Variants in LCN1 observed in about 807,000 individuals in gnomAD.
LCN1 encodes the protein lipocalin-1.
In LCN1, 25 loss-of-function variants were observed where a neutral mutation model predicts 22.3. That is an observed-to-expected ratio of 1.12 (90% CI 0.82 to 1.56). The LOEUF is 1.56. Ranked by LOEUF, LCN1 falls within the 40% of genes most tolerant of loss-of-function variation. The probability of loss-of-function intolerance (pLI) is 0.00; values close to 1 mark genes in which losing one functional copy is unlikely to be tolerated. For synonymous variants in LCN1, 85 were observed against 97.6 expected, an observed-to-expected ratio of 0.87 and a Z score of 0.76; for missense variants, 219 against 235.6, an observed-to-expected ratio of 0.93 and a Z score of 0.46.
intron 4 of LCN1, 69 bp from the exon 5 acceptor site, chr9:135,524,761 C>T (rs1354709693): frequency 1.6e-6 from 2 of 1,273,796 alleles, no homozygotes; most frequent in African/African-American, 3.0e-5. Flanking sequence ...CTCAGGCCTC[C>T]AGACTGGGAT....
Position 135,523,216 on chromosome 9 carries a change from G to T in LCN1, c.222-16G>T, listed in dbSNP as rs199895720. The T allele has an allele frequency of 6.2e-7, 1 of 1,610,268 alleles. No homozygotes were observed. The highest frequency in any genetic ancestry group is 1.3e-5 in the African/African-American group (1 of 74,836). ...ACAGGCCAGGGCCGCTTTGCCAGGG[G>T]GCTTCTGTTTTCCAGGATAAGTGGC... is the stretch of plus-strand genomic sequence containing the variant. On this transcript the variant is annotated splice_polypyrimidine_tract_variant and intron_variant, in intron 2 of 6. Coordinates refer to ENST00000371781, the MANE Select transcript of LCN1 (RefSeq NM_002297.4).
chr9:135,525,666 A>C (rs1831621808), intron 6 of LCN1, among the ~76,000 whole-genome samples: 1 of 152,034 alleles, frequency 6.6e-6, no homozygotes, highest in African/African-American at 2.4e-5. Context: ...AATCCTGGAC[A>C]GCATCGCTGT....
rs566868103 is a variant in LCN1 at position 135,525,908 on chromosome 9, C to T, written c.*2-436C>T. ...CCTAGAGCCCGGTGCACGTCCCCCA[C>T]ACCATTGCCTCTGAGATCCAGCACG... On this transcript the variant is annotated intron_variant, in intron 6 of 6. Coordinates refer to ENST00000371781, the MANE Select transcript of LCN1 (RefSeq NM_002297.4). 1.9e-4 allele frequency among the ~76,000 whole-genome samples: 27 copies of T among 142,440 alleles called. 1 individual carries two copies. In the South Asian group the frequency reaches 6.5e-3, roughly 34 times the overall value. 93.4% of individuals were successfully genotyped at this position (142,440 alleles called of 152,430 possible).
chr9:135,526,507 G>C lies in LCN1; in HGVS notation c.*165G>C. The C allele has an allele frequency of 7.9e-7, 1 of 1,264,712 alleles. No individual in the cohort carries two copies. Among genetic ancestry groups the C allele is most frequent in the East Asian group, 5.8e-5 (1 of 17,258 alleles). The allele number at this position is 1,264,712 out of a possible 1,614,324, so 78.3% of individuals were successfully genotyped here. On this transcript the variant is annotated 3_prime_UTR_variant, in exon 7 of 7. Transcript: ENST00000371781. ...CCCCTGCCCTGCGCCCCCTCTCCTG[G>C]TTCTCCATAAAGAGCTTCAGCAGTT...
Position 135,526,400 on chromosome 9 carries a change from G to A in LCN1, c.*58G>A, listed in dbSNP as rs770110598. On this transcript the variant is annotated 3_prime_UTR_variant, in exon 7 of 7. Coordinates refer to ENST00000371781, the MANE Select transcript of LCN1 (RefSeq NM_002297.4). ...AAGGACGGCACCATCCAGCACCTCC[G>A]TCATTCACAGGGACATGGAAAAAGC... 1.8e-4 allele frequency: 226 copies of A among 1,282,414 alleles called. No homozygotes were observed. The highest frequency in any genetic ancestry group is 2.2e-4 in the Non-Finnish European group (216 of 986,810). 79.4% of individuals were successfully genotyped at this position (1,282,414 alleles called of 1,614,324 possible). A position where few individuals can be genotyped will look rare whatever the true frequency, so the allele number is the denominator to read the frequency against.
chr9:135,525,308 T>C, intron 6 of LCN1, 150 bp downstream of exon 6: 1 of 750,638 alleles, frequency 1.3e-6, no homozygotes, highest in Non-Finnish European at 2.2e-6. Context: ...GCTCTGCTCC[T>C]GAGCTGCCCA....
chr9:135,522,254 G>C, intron 2 of LCN1, 77 bp downstream of exon 2: 3 of 1,512,750 alleles, frequency 2.0e-6, no homozygotes, highest in Admixed American at 2.1e-5. Context: ...GAGAGCTCTG[G>C]TGCTGGGGAG....
In LCN1 at chr9:135,523,879, G is replaced by T. The variant is rs762734972; in HGVS notation, c.293-1G>T. The T allele has an allele frequency of 5.6e-6, 9 of 1,613,670 alleles. No homozygotes were observed. The highest frequency in any genetic ancestry group is 7.6e-6 in the Non-Finnish European group (9 of 1,179,712). On this transcript the variant is annotated splice_acceptor_variant, in intron 3 of 6. Coordinates refer to ENST00000371781, the MANE Select transcript of LCN1 (RefSeq NM_002297.4). LOFTEE classifies it high-confidence loss of function. ...AGGAATGTGCTGCTGTCTTTCTGCAGACGGGGGCAAGCACGTGGCATACAT... is the reference window on the plus strand; with the variant it reads ...AGGAATGTGCTGCTGTCTTTCTGCATACGGGGGCAAGCACGTGGCATACAT...
chr9:135,524,963 G>A (rs2118957365), intron 5 of LCN1, 32 bp downstream of exon 5: 1 of 1,588,464 alleles, frequency 6.3e-7, no homozygotes, highest in East Asian at 2.2e-5. Flanking sequence ...AGCCCCCCAT[G>A]TCCCCGCGTG....
At position 135,526,395 on chromosome 9, in the gene LCN1, C is replaced by T. The variant is rs781592940; in HGVS notation, c.*53C>T. ...AGCCCAAGGACGGCACCATCCAGCA[C>T]CTCCGTCATTCACAGGGACATGGAA... On this transcript the variant is annotated 3_prime_UTR_variant, in exon 7 of 7. Transcript: ENST00000371781. The T allele has an allele frequency of 7.8e-7, 1 of 1,284,938 alleles. No homozygotes were observed. Among genetic ancestry groups the T allele is most frequent in the Non-Finnish European group, 1.0e-6 (1 of 987,384 alleles). The allele number at this position is 1,284,938 out of a possible 1,614,324, so 79.6% of individuals were successfully genotyped here. A position where few individuals can be genotyped will look rare whatever the true frequency, so the allele number is the denominator to read the frequency against.
chr9:135,523,014 C>CGGTG (rs781707258), intron 2 of LCN1, among the ~76,000 whole-genome samples: 139 of 152,266 alleles, frequency 9.1e-4, no homozygotes, highest in Non-Finnish European at 1.2e-3. Context: ...CCAGGAGGAG[C>CGGTG]GGTGCAGAGC....
chr9:135,526,440 G>A lies in LCN1; in HGVS notation c.*98G>A. 1.6e-6 allele frequency: 2 copies of A among 1,286,218 alleles called. No individual in the cohort carries two copies. Among genetic ancestry groups the A allele is most frequent in the Non-Finnish European group, 2.0e-6 (2 of 987,124 alleles). The allele number at this position is 1,286,218 out of a possible 1,614,324, so 79.7% of individuals were successfully genotyped here. A position where few individuals can be genotyped will look rare whatever the true frequency, so the allele number is the denominator to read the frequency against. On this transcript the variant is annotated 3_prime_UTR_variant, in exon 7 of 7. Transcript: ENST00000371781. ...ATGGAAAAAGCTCCCCACCCCTGCA[G>A]AACGCGGCTGGCTGCACCCCTTCCT...
At position 135,524,857 on chromosome 9, in the gene LCN1, C is replaced by G; in HGVS notation, c.431C>G (p.Ala144Gly). The change falls in exon 5 of 7, where the codon GCC becomes GGC. Residue 144 changes from alanine to glycine, a missense_variant. By Grantham distance (60) the Ala-to-Gly change is moderately conservative. Transcript: ENST00000371781. ...VGRDPKNNLE[A>G]LEDFEKAAGA... The stretch of plus-strand genomic sequence containing the variant: ...AGAGACCCCAAGAACAACCTGGAAG[C>G]CTTGGAGGACTTTGAGAAAGCCGCA... The G allele has an allele frequency of 6.2e-7, 1 of 1,607,756 alleles. No homozygotes were observed. The highest frequency in any genetic ancestry group is 8.5e-7 in the Non-Finnish European group (1 of 1,177,094).
chr9:135,524,103 T>C (rs1384785301), intron 4 of LCN1, 113 bp downstream of exon 4: 2 of 761,954 alleles, frequency 2.6e-6, no homozygotes, highest in East Asian at 5.3e-5. Flanking sequence ...AGGAACCCAC[T>C]GCAGTTTTCT....
chr9:135,521,916 G>T, intron 1 of LCN1, 131 bp from the exon 2 acceptor site: 1 of 1,425,316 alleles, frequency 7.0e-7, no homozygotes, highest in Non-Finnish European at 9.5e-7. Context: ...GTGTTTTCTG[G>T]GTGGGTTAGA....
intron 2 of LCN1, among the ~76,000 whole-genome samples, 173 bp downstream of exon 2, chr9:135,522,350 G>C (rs1331743505): frequency 6.6e-6 from 1 of 152,204 alleles, no homozygotes; most frequent in Non-Finnish European, 1.5e-5. Context: ...TCGGCTGGAG[G>C]GGCCCTGAGG....
chr9:135,522,337 G>T (rs77441762), intron 2 of LCN1, among the ~76,000 whole-genome samples, 160 bp downstream of exon 2: 2 of 152,350 alleles, frequency 1.3e-5, no homozygotes, highest in Non-Finnish European at 2.9e-5. Context: ...CCACTGAGGT[G>T]CCTCGGCTGG....
In LCN1 at chr9:135,524,719, C is replaced by A. The variant is rs55773005; in HGVS notation, c.404-111C>A. On this transcript the variant is annotated intron_variant, in intron 4 of 6. Coordinates refer to ENST00000371781, the MANE Select transcript of LCN1 (RefSeq NM_002297.4). ...GAGGGCCTCTGGGTTCAATTCCCCC[C>A]ACGGTGGGCGAGGTCCCCTTCCCCA... 3,094 of 795,160 alleles carry A rather than the reference C, an allele frequency of 3.9e-3. 12 individuals are homozygous for A. The highest frequency in any genetic ancestry group is 5.1e-3 in the Non-Finnish European group (2,579 of 502,470). 49.3% of individuals were successfully genotyped at this position (795,160 alleles called of 1,614,324 possible). A position where few individuals can be genotyped will look rare whatever the true frequency, so the allele number is the denominator to read the frequency against.
At chr9:135,525,995 C>T (rs1485560136) in intron 6 of LCN1, among the ~76,000 whole-genome samples, 7 of 136,226 alleles carry the variant, frequency 5.1e-5, no homozygotes, top group Admixed American at 1.4e-4. Flanking sequence ...CCTCAAGAGC[C>T]CAGTGTGTAC....
Sources: gnomAD v4.1 joint callset for allele counts (sites outside exome capture counted in the v4.1 genomes callset) on GRCh38, gnomAD v4.1.1 for gene constraint, MANE v1.5 for transcripts, NCBI Gene and HGNC (gene_info 2026-07-23, HGNC 2026-07-21) for gene names.